Variants in MB21D2 observed in about 807,000 individuals in gnomAD.
The protein encoded by MB21D2 is nucleotidyltransferase MB21D2.
In MB21D2, 9 loss-of-function variants were observed where a neutral mutation model predicts 33.3. That is an observed-to-expected ratio of 0.27 (90% CI 0.16 to 0.47). The LOEUF is 0.47. Ranked by LOEUF, MB21D2 falls within the 20% of genes least tolerant of loss-of-function variation. The pLI is 0.99. For missense variants in MB21D2, 540 were observed against 624.6 expected (o/e 0.86, Z 1.44); for synonymous variants, 241 against 236.3 (o/e 1.02, Z -0.18).
chr3:192,881,182 T>C (rs1375007309), intron 1 of MB21D2, among the ~76,000 whole-genome samples: 3 of 152,102 alleles, frequency 2.0e-5, no homozygotes, highest in African/African-American at 7.3e-5. Flanking sequence ...GAAACAAAGA[T>C]ATAAACTTAA....
intron 1 of MB21D2, among the ~76,000 whole-genome samples, chr3:192,858,156 A>T (rs1024445758): frequency 3.9e-5 from 6 of 152,126 alleles, no homozygotes; most frequent in Non-Finnish European, 1.5e-5. Flanking sequence ...CAAACAAAAA[A>T]GTGGCCTTGG....
chr3:192,884,353 T>C (rs568207985), intron 1 of MB21D2, among the ~76,000 whole-genome samples: 1 of 152,058 alleles, frequency 6.6e-6, no homozygotes, highest in East Asian at 1.9e-4. Flanking sequence ...CTCAGGTAGG[T>C]GGAGGTGCAT....
At chr3:192,816,231 A>AAAAG (rs1464963637) in intron 1 of MB21D2, among the ~76,000 whole-genome samples, 1 of 151,770 alleles carries the variant, frequency 6.6e-6, no homozygotes, top group African/African-American at 2.4e-5. Context: ...TTTAAAAAAA[A>AAAAG]AGATGGTTCC....
rs546757090 is a variant in MB21D2, at chr3:192,824,735, C to T, written c.212-25085G>A. Reference sequence around the variant, plus strand: ...TTTAAAATTATTAGCCTTTTTATAACGTCACCTGTTTGAGTGTTAACTCTT... The same window carrying T: ...TTTAAAATTATTAGCCTTTTTATAATGTCACCTGTTTGAGTGTTAACTCTT... On this transcript the variant is annotated intron_variant, in intron 1 of 1. Transcript: ENST00000392452. 1.6e-3 allele frequency among the ~76,000 whole-genome samples: 245 copies of T among 152,260 alleles called. 1 individual carries two copies. Among genetic ancestry groups the T allele is most frequent in the African/African-American group, 5.6e-3 (232 of 41,536 alleles).
intron 1 of MB21D2, among the ~76,000 whole-genome samples, chr3:192,860,973 C>G (rs1411922416): frequency 3.3e-5 from 5 of 152,126 alleles, no homozygotes; most frequent in Non-Finnish European, 7.4e-5. Flanking sequence ...GAGCATTAAA[C>G]TAGAAACGAA....
chr3:192,897,967 A>C (rs1418305018), intron 1 of MB21D2, among the ~76,000 whole-genome samples: 1 of 152,160 alleles, frequency 6.6e-6, no homozygotes, highest in African/African-American at 2.4e-5. Context: ...TCAATAAAAA[A>C]AAAAATTTTA....
chr3:192,909,237 CA>C (rs1335169975), intron 1 of MB21D2, among the ~76,000 whole-genome samples: 1 of 147,148 alleles, frequency 6.8e-6, no homozygotes, highest in Non-Finnish European at 1.5e-5. Context: ...GCCTGGGTGA[CA>C]GAGCGAGACT....
chr3:192,807,983 C>T (rs545135499), intron 1 of MB21D2, among the ~76,000 whole-genome samples: 55 of 152,030 alleles, frequency 3.6e-4, no homozygotes, highest in African/African-American at 1.2e-3. Flanking sequence ...GGATTGGGGG[C>T]GCTTTTCTTT....
At chr3:192,890,329 G>T (rs1161723322) in intron 1 of MB21D2, among the ~76,000 whole-genome samples, 1 of 151,892 alleles carries the variant, frequency 6.6e-6, no homozygotes, top group Non-Finnish European at 1.5e-5. Context: ...AGACTAAGAA[G>T]GTTTTTTTCC....
intron 1 of MB21D2, among the ~76,000 whole-genome samples, chr3:192,835,816 G>C (rs1349909605): frequency 6.6e-6 from 1 of 150,598 alleles, no homozygotes; most frequent in Non-Finnish European, 1.5e-5. Context: ...ACCTCCTTTG[G>C]AAGATCAAGA....
chr3:192,814,753 T>C (rs1292716761), intron 1 of MB21D2, among the ~76,000 whole-genome samples: 1 of 151,618 alleles, frequency 6.6e-6, no homozygotes, highest in African/African-American at 2.4e-5. Flanking sequence ...TAGTCCCAGC[T>C]ACTGGGGAGG....
intron 1 of MB21D2, among the ~76,000 whole-genome samples, chr3:192,835,226 G>A (rs147194881): frequency 0.068 from 10,100 of 148,334 alleles, 1,170 homozygotes; most frequent in African/African-American, 0.24. Context: ...AGGCTGAGGC[G>A]GGCAGCTCAC....
chr3:192,866,724 A>G (rs1713175673), intron 1 of MB21D2, among the ~76,000 whole-genome samples: 1 of 152,236 alleles, frequency 6.6e-6, no homozygotes, highest in Admixed American at 6.5e-5. Context: ...CATGAAATGT[A>G]AGAATATTAA....
At chr3:192,909,752 G>T (rs538710646) in intron 1 of MB21D2, among the ~76,000 whole-genome samples, 3 of 151,304 alleles carry the variant, frequency 2.0e-5, no homozygotes, top group Non-Finnish European at 3.0e-5. Context: ...CCAACATGGC[G>T]AAACCCCATC....
At chr3:192,864,500 C>T (rs893810275) in intron 1 of MB21D2, among the ~76,000 whole-genome samples, 8 of 152,082 alleles carry the variant, frequency 5.3e-5, no homozygotes, top group Admixed American at 1.3e-4. Context: ...TGTGAACCAC[C>T]GTGCTTTTTG....
Position 192,862,653 on chromosome 3 carries a change from G to A in MB21D2, c.211+54977C>T, listed in dbSNP as rs537406943. Among the ~76,000 whole-genome samples, 241 of 152,260 alleles carry A rather than the reference G, an allele frequency of 1.6e-3. 2 individuals are homozygous for A. The highest frequency in any genetic ancestry group is 5.5e-3 in the African/African-American group (229 of 41,556). ...CTGTGAGTAACAGAGTCTTTGTAGG[G>A]TGCTCACACTGAATTAAGGTGGGCC... On this transcript the variant is annotated intron_variant, in intron 1 of 1. Coordinates refer to ENST00000392452, the MANE Select transcript of MB21D2 (RefSeq NM_178496.4).
chr3:192,858,499 C>A (rs763762471), intron 1 of MB21D2, among the ~76,000 whole-genome samples: 1 of 152,196 alleles, frequency 6.6e-6, no homozygotes, highest in African/African-American at 2.4e-5. Flanking sequence ...ACGGACCATG[C>A]AAACGACAAA....
At chr3:192,916,519 G>A (rs776518976) in intron 1 of MB21D2, among the ~76,000 whole-genome samples, 9 of 152,188 alleles carry the variant, frequency 5.9e-5, no homozygotes, top group Non-Finnish European at 1.2e-4. Flanking sequence ...AGCACCCAGA[G>A]ACGAGCGTTA....
At chr3:192,887,277 G>A (rs1260101587) in intron 1 of MB21D2, among the ~76,000 whole-genome samples, 2 of 152,096 alleles carry the variant, frequency 1.3e-5, no homozygotes, top group African/African-American at 4.8e-5. Flanking sequence ...CTCCAGGACT[G>A]CAGGAACACG....
Sources: allele counts gnomAD v4.1 joint callset (sites outside exome capture counted in the v4.1 genomes callset), GRCh38; gene constraint gnomAD v4.1.1; transcripts MANE v1.5; gene names NCBI Gene and HGNC (gene_info 2026-07-23, HGNC 2026-07-21).